CAB39: variants seen among roughly 807,000 people sequenced by gnomAD.
CAB39 encodes the protein calcium binding protein 39.
A neutral mutation model predicts 40.0 loss-of-function variants in CAB39; 8 were observed. That is an observed-to-expected ratio of 0.20 (90% CI 0.12 to 0.36). The LOEUF (loss-of-function observed/expected upper bound fraction) is 0.36. Ranked by LOEUF, CAB39 falls within the 10% of genes least tolerant of loss-of-function variation. The pLI, the probability that CAB39 is intolerant of heterozygous loss-of-function variation, is 1.00. For synonymous variants in CAB39, 156 were observed against 141.6 expected (o/e 1.10, Z -0.72); for missense variants, 270 against 401.1 (o/e 0.67, Z 2.79).
At chr2:230,811,325 C>T (rs968128863) in intron 6 of CAB39, among the ~76,000 whole-genome samples, 4 of 152,038 alleles carry the variant, frequency 2.6e-5, no homozygotes, top group African/African-American at 7.2e-5. Flanking sequence ...CTGTCTTTTC[C>T]CCCTGCCCTC....
intron 1 of CAB39, among the ~76,000 whole-genome samples, chr2:230,744,367 C>G (rs1356777370): frequency 6.6e-6 from 1 of 152,220 alleles, no homozygotes; most frequent in Non-Finnish European, 1.5e-5. Context: ...GATCTCGGCT[C>G]ACTGCAGCCT....
chr2:230,745,729 C>T (rs1319815259), intron 1 of CAB39, among the ~76,000 whole-genome samples: 3 of 152,012 alleles, frequency 2.0e-5, no homozygotes, highest in Admixed American at 6.6e-5. Flanking sequence ...CGGGTTAAAG[C>T]GATTCTCCTG....
At chr2:230,729,277 G>T (rs1429905767) in intron 1 of CAB39, among the ~76,000 whole-genome samples, 1 of 152,160 alleles carries the variant, frequency 6.6e-6, no homozygotes, top group Non-Finnish European at 1.5e-5. Context: ...ATGAACACTT[G>T]AAATCAGAAA....
chr2:230,802,404 A>G (rs183606025), intron 5 of CAB39, among the ~76,000 whole-genome samples: 15 of 152,314 alleles, frequency 9.8e-5, no homozygotes, highest in Non-Finnish European at 2.1e-4. Context: ...AGAAATAACT[A>G]AGATCAGAGC....
intron 1 of CAB39, among the ~76,000 whole-genome samples, chr2:230,745,501 TC>T (rs1159105968): frequency 6.6e-6 from 1 of 152,256 alleles, no homozygotes; most frequent in Non-Finnish European, 1.5e-5. Context: ...GGAGGTACTC[TC>T]TATGCAGCAT....
intron 4 of CAB39, among the ~76,000 whole-genome samples, chr2:230,796,399 C>T (rs1229082388): frequency 1.3e-5 from 2 of 151,678 alleles, no homozygotes; most frequent in Non-Finnish European, 2.9e-5. Context: ...CTCTAGTGCT[C>T]ACAGGTTATA....
intron 1 of CAB39, among the ~76,000 whole-genome samples, chr2:230,741,941 C>T (rs994233553): frequency 6.6e-6 from 1 of 152,108 alleles, no homozygotes; most frequent in Non-Finnish European, 1.5e-5. Flanking sequence ...ATAATGAAAG[C>T]AGCCATCCTT....
Position 230,795,161 on chromosome 2 carries a change from A to G in CAB39, c.398+1830A>G, listed in dbSNP as rs140273279. Among the ~76,000 whole-genome samples, 334 of 152,044 alleles carry G rather than the reference A, an allele frequency of 2.2e-3. 1 individual carries two copies. Among genetic ancestry groups the G allele is most frequent in the African/African-American group, 7.6e-3 (316 of 41,436 alleles). On this transcript the variant is annotated intron_variant, in intron 4 of 8. Coordinates refer to ENST00000258418, the MANE Select transcript of CAB39 (RefSeq NM_016289.4). ...TGTGGTGGCACACACCTGTAATCCC[A>G]GCTATTCGGGAGGCTGAGGCACAAG...
At chr2:230,816,507 T>G (rs906464378) in intron 7 of CAB39, among the ~76,000 whole-genome samples, 6 of 152,334 alleles carry the variant, frequency 3.9e-5, no homozygotes, top group Non-Finnish European at 1.5e-5. Context: ...AATAGATTTG[T>G]TTTCTTGTAC....
At chr2:230,723,559 C>A (rs527318546) in intron 1 of CAB39, among the ~76,000 whole-genome samples, 1 of 152,278 alleles carries the variant, frequency 6.6e-6, no homozygotes, top group East Asian at 1.9e-4. Flanking sequence ...GTCTCACCTC[C>A]CAGACCCTTT....
intron 2 of CAB39, among the ~76,000 whole-genome samples, chr2:230,790,671 G>A (rs1695878037): frequency 1.3e-5 from 2 of 152,208 alleles, no homozygotes; most frequent in African/African-American, 2.4e-5. Context: ...TTCCTGTGGT[G>A]TATGCATGTT....
intron 1 of CAB39, among the ~76,000 whole-genome samples, chr2:230,734,232 C>T (rs1017620914): frequency 6.6e-6 from 1 of 152,198 alleles, no homozygotes; most frequent in Admixed American, 6.5e-5. Flanking sequence ...AGAATACAGG[C>T]ACTTTTAAGA....
chr2:230,807,410 C>T (rs946655776), intron 5 of CAB39, among the ~76,000 whole-genome samples: 2 of 150,560 alleles, frequency 1.3e-5, no homozygotes, highest in African/African-American at 4.9e-5. Flanking sequence ...AGTGTTTTAC[C>T]CCCCCAACCC....
intron 2 of CAB39, among the ~76,000 whole-genome samples, chr2:230,782,638 C>T (rs1191551825): frequency 1.3e-5 from 2 of 152,002 alleles, no homozygotes; most frequent in Non-Finnish European, 1.5e-5. Flanking sequence ...TAGGGAATTA[C>T]GTTGTAAATT....
rs143207616 is a variant in CAB39 at position 230,818,611 on chromosome 2, C to T, written c.933C>T (p.Asn311=). Residue 311 remains asparagine (N), a synonymous_variant, in exon 9 of 9, where the codon AAC becomes AAT. Coordinates refer to ENST00000258418, the MANE Select transcript of CAB39 (RefSeq NM_016289.4). ...TAGAGTTCCTCAGCAAGTTTCAGAACGACAGGACGGAGGATGAGCAGTTTA... is the reference window on the plus strand; with the variant it reads ...TAGAGTTCCTCAGCAAGTTTCAGAATGACAGGACGGAGGATGAGCAGTTTA... The part of the protein sequence containing the change: ...KLIEFLSKFQ[N]DRTEDEQFND... The T allele has an allele frequency of 4.7e-4, 754 of 1,613,938 alleles. 2 individuals carry two copies. Among genetic ancestry groups the T allele is most frequent in the Non-Finnish European group, 6.1e-4 (716 of 1,179,934 alleles).
chr2:230,756,449 T>C (rs759970160), intron 1 of CAB39, among the ~76,000 whole-genome samples: 10 of 152,216 alleles, frequency 6.6e-5, no homozygotes, highest in Non-Finnish European at 1.3e-4. Context: ...GCTACATGAC[T>C]GTGTAAGATA....
chr2:230,800,579 C>T (rs1696072283), intron 5 of CAB39, among the ~76,000 whole-genome samples: 1 of 152,206 alleles, frequency 6.6e-6, no homozygotes, highest in African/African-American at 2.4e-5. Context: ...GCAGACCTGC[C>T]ATGAAGGGCG....
intron 2 of CAB39, among the ~76,000 whole-genome samples, chr2:230,776,700 T>C (rs1056681168): frequency 6.0e-5 from 9 of 149,940 alleles, no homozygotes; most frequent in African/African-American, 2.2e-4. Context: ...CTTTTTTTCT[T>C]CCCCCCCCGA....
chr2:230,791,156 C>T, intron 3 of CAB39, 120 bp downstream of exon 3: 1 of 753,398 alleles, frequency 1.3e-6, no homozygotes, highest in Non-Finnish European at 2.0e-6. Context: ...GGTTACTGAC[C>T]TCTGTCAGCA....
Sources: gnomAD v4.1 joint callset for allele counts (sites outside exome capture counted in the v4.1 genomes callset) on GRCh38, gnomAD v4.1.1 for gene constraint, MANE v1.5 for transcripts, NCBI Gene and HGNC (gene_info 2026-07-23, HGNC 2026-07-21) for gene names.